Variants in CCDC170 observed in about 807,000 individuals in gnomAD.
The protein encoded by CCDC170 is coiled-coil domain containing 170.
CCDC170 carries 69 observed loss-of-function variants against 72.6 expected under a neutral mutation model. The observed-to-expected ratio is 0.95, with a 90% CI of 0.78 to 1.16. CCDC170 has a LOEUF of 1.16. Among genes scored for constraint, CCDC170 ranks in the 50% most tolerant of loss-of-function variants. The pLI, the probability that CCDC170 is intolerant of heterozygous loss-of-function variation, is 0.00. For missense variants in CCDC170, 852 were observed against 832.5 expected, an observed-to-expected ratio of 1.02 and a Z score of -0.29; for synonymous variants, 300 against 303.9, an observed-to-expected ratio of 0.99 and a Z score of 0.13.
chr6:151,585,317 A>T (rs779298254), intron 6 of CCDC170, among the ~76,000 whole-genome samples: 39 of 152,174 alleles, frequency 2.6e-4, no homozygotes, highest in Admixed American at 7.2e-4. Flanking sequence ...CCAATGCAAA[A>T]ATGGTATTAC....
chr6:151,532,385 T>C (rs1309671802), intron 1 of CCDC170, among the ~76,000 whole-genome samples: 1 of 152,124 alleles, frequency 6.6e-6, no homozygotes, highest in African/African-American at 2.4e-5. Context: ...TGTGGGTTGA[T>C]CACTTGAGGT....
In CCDC170 at chr6:151,618,024, C is replaced by T. The variant is rs572075854; in HGVS notation, c.2025C>T (p.Ile675=). Residue 675 remains isoleucine (I), a synonymous_variant, in exon 11 of 11, where the codon ATC becomes ATT. Coordinates refer to ENST00000239374, the MANE Select transcript of CCDC170 (RefSeq NM_025059.4). ...GCCTTGCTCTTCCTGATTATGAAATCATCAAGTGTCTTGAAAGATTGGTCC... is the reference window on the plus strand; with the variant it reads ...GCCTTGCTCTTCCTGATTATGAAATTATCAAGTGTCTTGAAAGATTGGTCC... ...VTSLALPDYE[I]IKCLERLVHS... is the part of the protein sequence containing the mutation. 1.2e-6 allele frequency: 2 copies of T among 1,614,132 alleles called. No homozygotes were observed. The highest frequency in any genetic ancestry group is 2.2e-5 in the South Asian group (2 of 91,074).
At chr6:151,587,603 A>T (rs1305239274) in intron 7 of CCDC170, among the ~76,000 whole-genome samples, 1 of 152,196 alleles carries the variant, frequency 6.6e-6, no homozygotes, top group Non-Finnish European at 1.5e-5. Flanking sequence ...TGTACTTAAA[A>T]CATTGAGGAA....
At chr6:151,553,486 G>T (rs999457777) in intron 5 of CCDC170, among the ~76,000 whole-genome samples, 40 of 152,242 alleles carry the variant, frequency 2.6e-4, no homozygotes, top group African/African-American at 9.4e-4. Flanking sequence ...ATATTAGGGG[G>T]AGAGGAGGGG....
intron 1 of CCDC170, among the ~76,000 whole-genome samples, chr6:151,502,107 C>T (rs1051036863): frequency 3.3e-5 from 5 of 152,220 alleles, no homozygotes; most frequent in Admixed American, 2.0e-4. Context: ...AGATATTGCT[C>T]ATAAAAATAA....
chr6:151,600,380 C>T lies in CCDC170; in HGVS notation c.1710+3803C>T, dbSNP rs79438752. Reference sequence around the variant, plus strand: ...CTACCACAAACTGGGTGGCTTAATACTCAATCCCGCTAACAGTCCTTGGTT... The same window carrying T: ...CTACCACAAACTGGGTGGCTTAATATTCAATCCCGCTAACAGTCCTTGGTT... On this transcript the variant is annotated intron_variant, in intron 9 of 10. Transcript: ENST00000239374. Among the ~76,000 whole-genome samples the T allele has an allele frequency of 1.9e-3, 293 of 152,272 alleles. 2 individuals are homozygous for T. The highest frequency in any genetic ancestry group is 6.9e-3 in the African/African-American group (286 of 41,558).
chr6:151,548,172 C>A (rs948516838), intron 4 of CCDC170, 132 bp from the exon 5 acceptor site: 6 of 719,286 alleles, frequency 8.3e-6, no homozygotes, highest in South Asian at 5.7e-5. Context: ...GAAAATGTGA[C>A]CTTTCCAGTC....
intron 7 of CCDC170, among the ~76,000 whole-genome samples, chr6:151,590,659 T>C (rs1175905699): frequency 6.6e-6 from 1 of 152,238 alleles, no homozygotes; most frequent in African/African-American, 2.4e-5. Context: ...TAATCCTTCA[T>C]TTCTATGAAG....
chr6:151,528,715 G>A (rs945072431), intron 1 of CCDC170, among the ~76,000 whole-genome samples: 3 of 151,548 alleles, frequency 2.0e-5, no homozygotes, highest in Non-Finnish European at 4.4e-5. Context: ...GCGCATGCCT[G>A]TAGTCCCAGC....
intron 1 of CCDC170, among the ~76,000 whole-genome samples, chr6:151,535,904 C>T (rs1782568353): frequency 6.6e-6 from 1 of 152,036 alleles, no homozygotes; most frequent in Admixed American, 6.5e-5. Flanking sequence ...GACACCCTGC[C>T]TGACAAATTA....
At chr6:151,548,520 G>A (rs1782816503) in intron 5 of CCDC170, 31 bp downstream of exon 5, 2 of 1,454,728 alleles carry the variant, frequency 1.4e-6, no homozygotes, top group East Asian at 2.3e-5. Context: ...GTGTGCATCT[G>A]GGACCATGTT....
chr6:151,559,570 C>G (rs1021426038), intron 5 of CCDC170, among the ~76,000 whole-genome samples: 4 of 152,124 alleles, frequency 2.6e-5, no homozygotes, highest in Non-Finnish European at 5.9e-5. Context: ...TGCTACTTTA[C>G]TGAATTTATT....
chr6:151,620,308 G>A lies in CCDC170; in HGVS notation c.*2161G>A, dbSNP rs1014383920. ...GACCACACAGAGGGAGAGTGACCAG[G>A]CTTTGCTTGTGGAGCGGGCATCCCT... On this transcript the variant is annotated 3_prime_UTR_variant, in exon 11 of 11. Coordinates refer to ENST00000239374, the MANE Select transcript of CCDC170 (RefSeq NM_025059.4). The A allele has an allele frequency of 6.6e-6, 1 of 152,162 alleles. No homozygotes were observed. Among genetic ancestry groups the A allele is most frequent in the Non-Finnish European group, 1.5e-5 (1 of 68,048 alleles). The allele number at this position is 152,162 out of a possible 1,614,324, so 9.4% of individuals were successfully genotyped here.
intron 6 of CCDC170, among the ~76,000 whole-genome samples, chr6:151,577,574 C>T (rs1236980133): frequency 6.6e-6 from 1 of 152,188 alleles, no homozygotes; most frequent in Non-Finnish European, 1.5e-5. Flanking sequence ...ACACCTAAGG[C>T]TTTATTTCCT....
rs527760974 is a variant in CCDC170 at position 151,584,856 on chromosome 6, A to C, written c.1093-1033A>C. 2.7e-4 allele frequency among the ~76,000 whole-genome samples: 41 copies of C among 152,350 alleles called. No homozygotes were observed. In the South Asian group the frequency reaches 7.7e-3, roughly 28 times the overall value. On this transcript the variant is annotated intron_variant, in intron 6 of 10. Transcript: ENST00000239374. ...CACGGCTGTTTATAGATGGGCAAAC[A>C]GAAATTGTTTTCTTTTTAAAAATTT...
At chr6:151,567,029 T>C (rs1455188751) in intron 5 of CCDC170, among the ~76,000 whole-genome samples, 1 of 152,178 alleles carries the variant, frequency 6.6e-6, no homozygotes, top group Admixed American at 6.5e-5. Flanking sequence ...CAAGTGATTC[T>C]CCTGCCTCAG....
At chr6:151,584,985 C>A (rs562484589) in intron 6 of CCDC170, among the ~76,000 whole-genome samples, 75 of 152,268 alleles carry the variant, frequency 4.9e-4, no homozygotes, top group African/African-American at 1.8e-3. Context: ...CCAAAATAAA[C>A]CATCGAAAGA....
At chr6:151,512,679 T>C (rs1782166559) in intron 1 of CCDC170, among the ~76,000 whole-genome samples, 1 of 151,026 alleles carries the variant, frequency 6.6e-6, no homozygotes, top group Non-Finnish European at 1.5e-5. Flanking sequence ...TTGTAAGGGT[T>C]GAGTGCAATA....
chr6:151,602,836 T>G (rs1776731006), intron 9 of CCDC170, among the ~76,000 whole-genome samples: 1 of 151,876 alleles, frequency 6.6e-6, no homozygotes, highest in African/African-American at 2.4e-5. Flanking sequence ...GTTCCGCTCT[T>G]GTTGCCCAGG....
Sources: allele counts gnomAD v4.1 joint callset (sites outside exome capture counted in the v4.1 genomes callset), GRCh38; gene constraint gnomAD v4.1.1; transcripts MANE v1.5; gene names NCBI Gene and HGNC (gene_info 2026-07-23, HGNC 2026-07-21).